Variants in AGAP1 observed in about 807,000 individuals in gnomAD.
The protein encoded by AGAP1 is ArfGAP with GTPase domain, ankyrin repeat and PH domain 1.
A neutral mutation model predicts 105.3 loss-of-function variants in AGAP1; 29 were observed. The observed-to-expected ratio is 0.28, with a 90% CI of 0.21 to 0.38. The LOEUF (loss-of-function observed/expected upper bound fraction) is 0.38. Ranked by LOEUF, AGAP1 falls within the 10% of genes least tolerant of loss-of-function variation. AGAP1 has a pLI of 1.00. For synonymous variants in AGAP1, 509 were observed against 485.9 expected, an observed-to-expected ratio of 1.05 and a Z score of -0.63; for missense variants, 998 against 1,165.1, an observed-to-expected ratio of 0.86 and a Z score of 2.09.
chr2:235,521,740 A>G (rs13032286), intron 1 of AGAP1, among the ~76,000 whole-genome samples: 109,578 of 141,414 alleles, frequency 0.77, 40,195 homozygotes, highest in South Asian at 0.84. Flanking sequence ...TTTGTTATAT[A>G]TATGTGTGTG....
intron 12 of AGAP1, among the ~76,000 whole-genome samples, chr2:235,942,340 A>G (rs2053298688): frequency 6.6e-6 from 1 of 152,030 alleles, no homozygotes; most frequent in African/African-American, 2.4e-5. Flanking sequence ...CCAGTTTTTA[A>G]TCAGGTCACT....
chr2:235,657,046 C>T (rs74444327), intron 1 of AGAP1, among the ~76,000 whole-genome samples: 1 of 152,296 alleles, frequency 6.6e-6, no homozygotes, highest in East Asian at 1.9e-4. Flanking sequence ...TGACCCAGCT[C>T]TCATGCATGT....
intron 1 of AGAP1, among the ~76,000 whole-genome samples, chr2:235,571,165 C>T (rs1027246761): frequency 5.3e-5 from 8 of 152,174 alleles, no homozygotes; most frequent in African/African-American, 7.2e-5. Context: ...ACCAAGGGGA[C>T]GGTGCTCAGC....
intron 13 of AGAP1, among the ~76,000 whole-genome samples, chr2:236,025,066 G>A (rs1176310892): frequency 1.3e-5 from 2 of 152,206 alleles, no homozygotes; most frequent in Non-Finnish European, 2.9e-5. Flanking sequence ...TTTGCTGTCT[G>A]TGTGTGTATC....
chr2:235,970,178 G>C lies in AGAP1; in HGVS notation c.1645+1555G>C, dbSNP rs2054581735. Among the ~76,000 whole-genome samples, 1 of 150,564 alleles carries C rather than the reference G, an allele frequency of 6.6e-6. No homozygotes were observed. Among genetic ancestry groups the C allele is most frequent in the Non-Finnish European group, 1.5e-5 (1 of 67,742 alleles). On this transcript the variant is annotated intron_variant, in intron 13 of 17. Transcript: ENST00000304032. The surrounding 1 kb of genome is among the most constrained non-coding windows in gnomAD (Gnocchi z 5.4). Reference sequence around the variant, plus strand: ...GACCATGCCACTGCACTCCAGCCTGGGCGGGCGACAGAGTGAGACTCTGTC... The same window carrying C: ...GACCATGCCACTGCACTCCAGCCTGCGCGGGCGACAGAGTGAGACTCTGTC...
At chr2:235,849,459 G>C (rs1296549524) in intron 9 of AGAP1, among the ~76,000 whole-genome samples, 1 of 134,928 alleles carries the variant, frequency 7.4e-6, no homozygotes, top group Non-Finnish European at 1.6e-5. Flanking sequence ...ACAAGCTAAT[G>C]TTAAGTTTTC....
chr2:235,670,270 C>T, intron 1 of AGAP1: 1 of 449,444 alleles, frequency 2.2e-6, no homozygotes, highest in East Asian at 3.8e-5. Flanking sequence ...TTCGGCGGCC[C>T]CGGCCCGCGC....
intron 16 of AGAP1, among the ~76,000 whole-genome samples, chr2:236,079,642 G>T (rs530984669): frequency 6.6e-5 from 10 of 152,002 alleles, no homozygotes; most frequent in Non-Finnish European, 1.5e-4. Flanking sequence ...TCTGCAGCAG[G>T]GGTAGGCAGA....
rs1946030136 is a variant in AGAP1 at position 235,608,702 on chromosome 2, T to C, written c.164-100477T>C. Among the ~76,000 whole-genome samples the C allele has an allele frequency of 6.6e-6, 1 of 152,118 alleles. No homozygotes were observed. The highest frequency in any genetic ancestry group is 2.1e-4 in the South Asian group (1 of 4,824). ...CCGGACGCCCTGCTGCTACTTGGCC[T>C]CCAACCAAAAAATTGTTCTTCTCCT... On this transcript the variant is annotated intron_variant, in intron 1 of 17. Transcript: ENST00000304032. This position sits in a 1 kb window ranked among gnomAD's most constrained non-coding sequence, Gnocchi z 5.4.
intron 16 of AGAP1, among the ~76,000 whole-genome samples, chr2:236,077,875 C>T (rs1177486447): frequency 6.6e-6 from 1 of 152,208 alleles, no homozygotes; most frequent in Non-Finnish European, 1.5e-5. Context: ...CTGTGCTGCT[C>T]TCCAGAAGGG....
At chr2:235,671,135 C>T (rs531563094) in intron 1 of AGAP1, 27 of 1,229,936 alleles carry the variant, frequency 2.2e-5, no homozygotes, top group Middle Eastern at 3.1e-4. Flanking sequence ...GCTATGGGAC[C>T]CGCCCTCCCG....
intron 1 of AGAP1, among the ~76,000 whole-genome samples, chr2:235,579,665 A>C (rs6707995): frequency 0.074 from 11,255 of 151,786 alleles, 1,199 homozygotes; most frequent in East Asian, 0.33. Context: ...AGTCCCAGCT[A>C]CTCGGGAGGC....
At chr2:235,713,704 G>T (rs1186747855) in intron 2 of AGAP1, among the ~76,000 whole-genome samples, 1 of 152,218 alleles carries the variant, frequency 6.6e-6, no homozygotes, top group Non-Finnish European at 1.5e-5. Context: ...CATCAGGAAG[G>T]TGTCTTCGTC....
At chr2:236,084,415 T>G (rs533435657) in intron 16 of AGAP1, among the ~76,000 whole-genome samples, 2 of 152,314 alleles carry the variant, frequency 1.3e-5, no homozygotes, top group East Asian at 3.9e-4. Flanking sequence ...TTTGGAAGTG[T>G]GGGAGATTGT....
intron 3 of AGAP1, among the ~76,000 whole-genome samples, chr2:235,722,555 A>C (rs1366362906): frequency 6.6e-6 from 1 of 152,116 alleles, no homozygotes; most frequent in African/African-American, 2.4e-5. Flanking sequence ...CTGTCATCAC[A>C]GTGTTTTCCT....
At chr2:235,521,328 A>G (rs1942605114) in intron 1 of AGAP1, among the ~76,000 whole-genome samples, 1 of 152,212 alleles carries the variant, frequency 6.6e-6, no homozygotes, top group African/African-American at 2.4e-5. Flanking sequence ...ATAGTTATAT[A>G]ACTAGTTAAC....
At chr2:235,525,266 G>A (rs1942784103) in intron 1 of AGAP1, among the ~76,000 whole-genome samples, 1 of 151,416 alleles carries the variant, frequency 6.6e-6, no homozygotes, top group African/African-American at 2.4e-5. Flanking sequence ...CACATAATGT[G>A]GAGGACTGAT....
rs1172944618 is a variant in AGAP1 at position 235,959,297 on chromosome 2, T to G, written c.1484-9165T>G. On this transcript the variant is annotated intron_variant, in intron 12 of 17. Coordinates refer to ENST00000304032, the MANE Select transcript of AGAP1 (RefSeq NM_001037131.3). This position sits in a 1 kb window ranked among gnomAD's most constrained non-coding sequence, Gnocchi z 7.3. ...CATTTACAGTGTCTCAGGCGGGGCT[T>G]TCGGGGCCTCTTCAATTTGAGGAAT... 6.6e-6 allele frequency among the ~76,000 whole-genome samples: 1 copy of G among 152,190 alleles called. No homozygotes were observed. Among genetic ancestry groups the G allele is most frequent in the Admixed American group, 6.5e-5 (1 of 15,286 alleles).
intron 1 of AGAP1, among the ~76,000 whole-genome samples, chr2:235,685,599 C>CG (rs1354665783): frequency 6.6e-6 from 1 of 151,930 alleles, no homozygotes; most frequent in Non-Finnish European, 1.5e-5. Context: ...TCTGTCTGGA[C>CG]AGCCGAAGGC....
Sources: gnomAD v4.1 joint callset for allele counts (sites outside exome capture counted in the v4.1 genomes callset) on GRCh38, gnomAD v4.1.1 for gene constraint, Gnocchi (gnomAD v3.1) non-coding constraint, MANE v1.5 for transcripts, NCBI Gene and HGNC (gene_info 2026-07-23, HGNC 2026-07-21) for gene names.